SEC16A: variants seen among roughly 807,000 people sequenced by gnomAD.
SEC16A encodes SEC16 homolog A, endoplasmic reticulum export factor, also known as protein transport protein Sec16A.
A neutral mutation model predicts 221.9 loss-of-function variants in SEC16A; 110 were observed. The ratio of observed to expected loss-of-function variants is 0.50; its 90% CI spans 0.42 to 0.58. The LOEUF is 0.58. Among genes scored for constraint, SEC16A ranks in the 20% least tolerant of loss-of-function variants. The probability of loss-of-function intolerance (pLI) is 0.00; values close to 1 mark genes in which losing one functional copy is unlikely to be tolerated. For missense variants in SEC16A, 3,165 were observed against 3,097.8 expected, an observed-to-expected ratio of 1.02 and a Z score of -0.52; for synonymous variants, 1,393 against 1,257.7, an observed-to-expected ratio of 1.11 and a Z score of -2.28.
At position 136,477,535 on chromosome 9, in the gene SEC16A, A is replaced by G. The variant is rs909903451; in HGVS notation, c.81T>C (p.Ala27=). 4.3e-6 allele frequency: 7 copies of G among 1,613,722 alleles called. No homozygotes were observed. The African/African-American group carries it at 6.7e-5, about 15-fold the overall frequency. ...PAGNPRSVFW[A]SSPYRRRANN... ...TAGCCCGTCTCCTGTAAGGGCTGCT[A>G]GCCCAGAACACGCTCCGAGGATTCC... Residue 27 remains alanine (A), a synonymous_variant, in exon 3 of 32, where the codon GCT becomes GCC. Coordinates refer to ENST00000684901, the MANE Select transcript of SEC16A (RefSeq NM_014866.2).
intron 28 of SEC16A, among the ~76,000 whole-genome samples, chr9:136,446,654 C>T (rs561547443): frequency 2.0e-5 from 3 of 152,292 alleles, no homozygotes; most frequent in Admixed American, 2.0e-4. Flanking sequence ...CCCAGATCTC[C>T]GTCTTCCCAA....
chr9:136,453,534 T>C (rs1414465500), intron 21 of SEC16A, 24 bp from the exon 22 acceptor site: 1 of 1,588,286 alleles, frequency 6.3e-7, no homozygotes, highest in Admixed American at 1.7e-5. Flanking sequence ...AGAGAGCAAC[T>C]ATGATCTCAG....
In SEC16A at chr9:136,474,099, A is replaced by G; in HGVS notation, c.3517T>C (p.Tyr1173His). The change falls in exon 3 of 32, where the codon TAC becomes CAC. Residue 1173 changes from tyrosine (Y) to histidine (H), a missense_variant. Physicochemically the swap from Tyr to His is moderately conservative, Grantham distance 83 (BLOSUM62 2). This residue lies in a region of SEC16A where 2,030 missense variants were observed against 1,923.1 expected (regional missense o/e 1.06). Coordinates refer to ENST00000684901, the MANE Select transcript of SEC16A (RefSeq NM_014866.2). ...GGCTCCGGTGGGTACGGCAAAGAGT[A>G]CTGAGGCTGGTAGGCATCGTACAAA... ...RPLYDAYQPQ[Y>H]SLPYPPEPGA... 1.2e-6 allele frequency: 2 copies of G among 1,613,006 alleles called. No individual in the cohort carries two copies. The highest frequency in any genetic ancestry group is 1.7e-6 in the Non-Finnish European group (2 of 1,179,774).
At position 136,474,178 on chromosome 9, in the gene SEC16A, T is replaced by C. The variant is rs1018888876; in HGVS notation, c.3438A>G (p.Ala1146=). ...SEQPWPQPVP[A]LAPGPPPQDL... is the part of the protein sequence containing the mutation. ...CCTGAGGCGGTGGGCCGGGGGCAAG[T>C]GCAGGCACTGGCTGTGGCCACGGCT... Residue 1146 remains alanine (A), a synonymous_variant, in exon 3 of 32, where the codon GCA becomes GCG. Transcript: ENST00000684901. 2 of 1,612,878 alleles carry C rather than the reference T, an allele frequency of 1.2e-6. No homozygotes were observed. The highest frequency in any genetic ancestry group is 1.7e-5 in the Admixed American group (1 of 59,948).
rs748515177 is a variant in SEC16A at position 136,477,214 on chromosome 9, A to G, written c.402T>C (p.Pro134=). The G allele has an allele frequency of 1.2e-6, 2 of 1,613,880 alleles. No homozygotes were observed. Among genetic ancestry groups the G allele is most frequent in the South Asian group, 1.1e-5 (1 of 91,080 alleles). ...CTGCACTCCTGTTCATCTCAGGCCC[A>G]GGAGGTGCTGAAGGTGTCAATGCAC... The part of the protein sequence containing the change: ...FSGALTPSAP[P]GPEMNRSAEV... Residue 134 remains proline (P), a synonymous_variant, in exon 3 of 32, where the codon CCT becomes CCC. Transcript: ENST00000684901.
intron 3 of SEC16A, among the ~76,000 whole-genome samples, chr9:136,473,775 G>A (rs891768309): frequency 5.3e-5 from 8 of 152,244 alleles, no homozygotes; most frequent in African/African-American, 1.4e-4. Flanking sequence ...ATAAGCTGGG[G>A]AGGCTGGTTC....
At position 136,474,494 on chromosome 9, in the gene SEC16A, T is replaced by C. The variant is rs1414144467; in HGVS notation, c.3122A>G (p.Tyr1041Cys). ...GPGAPNLDRFYQQVTKDAQGQ... is the reference protein window; with the variant it reads ...GPGAPNLDRFCQQVTKDAQGQ... ...CTGGGCATCTTTCGTGACCTGCTGA[T>C]AAAAACGGTCAAGGTTAGGCGCCCC... Residue 1041 changes from tyrosine (Y) to cysteine (C), a missense_variant, in exon 3 of 32, where the codon TAT becomes TGT. Tyr to Cys is a radical substitution (Grantham distance 194). Around this residue, in one of 3 missense-constraint regions of SEC16A, gnomAD observed 2,030 missense variants for 1,923.1 expected, o/e 1.06. Transcript: ENST00000684901. 1.9e-6 allele frequency: 3 copies of C among 1,613,090 alleles called. No individual in the cohort carries two copies. The highest frequency in any genetic ancestry group is 2.5e-6 in the Non-Finnish European group (3 of 1,179,872).
rs550522897 is a variant in SEC16A, at chr9:136,475,306, T to C, written c.2310A>G (p.Ser770=). 28 of 1,613,244 alleles carry C rather than the reference T, an allele frequency of 1.7e-5. No homozygotes were observed. Among genetic ancestry groups the C allele is most frequent in the Non-Finnish European group, 2.0e-5 (24 of 1,179,578 alleles). The stretch of plus-strand genomic sequence containing the variant: ...CCGGGGCCGCCGAGCTTGGGTTCCG[T>C]GACTGCTGCCCGGACATCGCCTCTT... ...PPEEAMSGQQ[S]RNPSSAAPVQ... The change falls in exon 3 of 32, where the codon TCA becomes TCG. Residue 770 remains serine, a synonymous_variant. Transcript: ENST00000684901. This position sits in a 1 kb window ranked among gnomAD's most constrained non-coding sequence, Gnocchi z 5.0.
chr9:136,472,912 G>A (rs1762908986), intron 3 of SEC16A, among the ~76,000 whole-genome samples: 1 of 152,246 alleles, frequency 6.6e-6, no homozygotes, highest in African/African-American at 2.4e-5. Context: ...GCTCGCAGCA[G>A]GAGGACCGGA....
chr9:136,461,643 G>C (rs918690988), intron 12 of SEC16A, among the ~76,000 whole-genome samples: 1 of 152,188 alleles, frequency 6.6e-6, no homozygotes, highest in African/African-American at 2.4e-5. Flanking sequence ...CGAATATCCT[G>C]TCAACACGGA....
At chr9:136,482,810 C>T (rs1336591503) in intron 1 of SEC16A, 128 bp downstream of exon 1, 2 of 213,698 alleles carry the variant, frequency 9.4e-6, no homozygotes, top group Non-Finnish European at 1.6e-5. Context: ...CGAGATGCAC[C>T]GCCCGCTCGG....
chr9:136,474,361 T>C lies in SEC16A; in HGVS notation c.3255A>G (p.Glu1085=). 6 of 1,612,692 alleles carry C rather than the reference T, an allele frequency of 3.7e-6. No individual in the cohort carries two copies. Among genetic ancestry groups the C allele is most frequent in the Non-Finnish European group, 5.1e-6 (6 of 1,179,840 alleles). ...KAMFSELSNP[E]SLPAQGQAQN... is the part of the protein sequence containing the mutation. ...GGGCCTGTCCCTGTGCGGGCAGACT[T>C]TCTGGATTTGACAGCTCCGAAAACA... The change falls in exon 3 of 32, where the codon GAA becomes GAG. Residue 1085 remains glutamate (E), a synonymous_variant. Transcript: ENST00000684901.
intron 5 of SEC16A, 144 bp from the exon 6 acceptor site, chr9:136,467,227 A>T: frequency 1.1e-6 from 1 of 910,144 alleles, no homozygotes; most frequent in Non-Finnish European, 1.6e-6. Context: ...AACCAGCACG[A>T]CACCAGGAAG....
rs1841462460 is a variant in SEC16A, at chr9:136,475,242, C to T, written c.2374G>A (p.Glu792Lys). The part of the protein sequence containing the change: ...RGGIGASENL[E>K]NPPKMGEEEA... ...TCCTCTCCCATTTTGGGAGGATTCT[C>T]AAGGTTCTCAGAAGCACCAATGCCA... The change falls in exon 3 of 32, where the codon GAG (glutamate) becomes AAG (lysine). Residue 792 changes from glutamate to lysine, a missense_variant. Coordinates refer to ENST00000684901, the MANE Select transcript of SEC16A (RefSeq NM_014866.2). This position sits in a 1 kb window ranked among gnomAD's most constrained non-coding sequence, Gnocchi z 5.0. 1.2e-6 allele frequency: 2 copies of T among 1,613,636 alleles called. No individual in the cohort carries two copies. The highest frequency in any genetic ancestry group is 4.5e-5 in the East Asian group (2 of 44,888).
intron 1 of SEC16A, among the ~76,000 whole-genome samples, chr9:136,481,912 A>T (rs1842416433): frequency 6.6e-6 from 1 of 152,236 alleles, no homozygotes; most frequent in South Asian, 2.1e-4. Context: ...GGTATTCATG[A>T]AAGATGCTTA....
Position 136,476,375 on chromosome 9 carries a change from G to A in SEC16A, c.1241C>T (p.Ala414Val), listed in dbSNP as rs1055683103. The change falls in exon 3 of 32, where the codon GCA becomes GTA. Residue 414 changes from alanine (A) to valine (V), a missense_variant. Physicochemically the swap from Ala to Val is moderately conservative, Grantham distance 64. Around this residue, in one of 3 missense-constraint regions of SEC16A, gnomAD observed 2,030 missense variants for 1,923.1 expected, o/e 1.06. Transcript: ENST00000684901. ...GCTGCCTGCCCCCACGTGTGTAGGT[G>A]CGGGCGGACGGCCTAGCCCAGGGCT... ...CSSPGLGRPP[A>V]PTHVGAGSLC... is the part of the protein sequence containing the mutation. 5 of 1,612,658 alleles carry A rather than the reference G, an allele frequency of 3.1e-6. No individual in the cohort carries two copies. Among genetic ancestry groups the A allele is most frequent in the South Asian group, 2.2e-5 (2 of 91,082 alleles).
intron 28 of SEC16A, 93 bp from the exon 29 acceptor site, chr9:136,445,812 G>A (rs1836896331): frequency 9.0e-7 from 1 of 1,110,184 alleles, no homozygotes; most frequent in Non-Finnish European, 1.3e-6. Context: ...TCTGGCCTGG[G>A]TTACAAACGC....
chr9:136,447,802 G>A lies in SEC16A; in HGVS notation c.6447+51C>T, dbSNP rs1288190864. On this transcript the variant is annotated intron_variant, in intron 25 of 31. Transcript: ENST00000684901. This position sits in a 1 kb window ranked among gnomAD's most constrained non-coding sequence, Gnocchi z 5.5. The stretch of plus-strand genomic sequence containing the variant: ...AAATATCACAGGGCCACATGAGGCT[G>A]TTCCCTCCACTCACACCTCACACCC... 3.2e-6 allele frequency: 5 copies of A among 1,569,628 alleles called. No individual in the cohort carries two copies. Among genetic ancestry groups the A allele is most frequent in the Non-Finnish European group, 4.4e-6 (5 of 1,145,780 alleles).
Position 136,475,985 on chromosome 9 carries a change from C to T in SEC16A, c.1631G>A (p.Gly544Asp). The part of the protein sequence containing the change: ...SGSARPQELV[G>D]TFIQQEVGKP... ...TCCAACTTCTTGCTGAATGAATGTG[C>T]CAACCAGCTCCTGGGGCCTGGCTGA... The change falls in exon 3 of 32, where the codon GGC (glycine) becomes GAC (aspartate). Residue 544 changes from glycine to aspartate, a missense_variant. Gly to Asp is a moderately conservative substitution (Grantham distance 94, BLOSUM62 -1). This residue lies in a region of SEC16A where 2,030 missense variants were observed against 1,923.1 expected (regional missense o/e 1.06). Coordinates refer to ENST00000684901, the MANE Select transcript of SEC16A (RefSeq NM_014866.2). This position sits in a 1 kb window ranked among gnomAD's most constrained non-coding sequence, Gnocchi z 5.0. The T allele has an allele frequency of 6.2e-7, 1 of 1,613,412 alleles. No homozygotes were observed. The highest frequency in any genetic ancestry group is 8.5e-7 in the Non-Finnish European group (1 of 1,179,894).
Sources: allele counts gnomAD v4.1 joint callset (sites outside exome capture counted in the v4.1 genomes callset), GRCh38; gene constraint gnomAD v4.1.1; regional missense constraint gnomAD v4.1.1; non-coding constraint Gnocchi (gnomAD v3.1); transcripts MANE v1.5; gene names NCBI Gene and HGNC (gene_info 2026-07-23, HGNC 2026-07-21).